The following CTHRC1 variants were observed in gnomAD, a reference collection of about 807,000 sequenced individuals.
CTHRC1 encodes the protein collagen triple helix repeat-containing protein 1.
Under a neutral mutation model 25.9 loss-of-function variants are expected in CTHRC1, and 21 were observed. That is an observed-to-expected ratio of 0.81 (90% confidence interval 0.57 to 1.17). CTHRC1 has a LOEUF of 1.17. Among genes scored for constraint, CTHRC1 ranks in the 50% most tolerant of loss-of-function variants. CTHRC1 has a pLI of 0.00. For synonymous variants in CTHRC1, 109 were observed against 113.1 expected, an observed-to-expected ratio of 0.96 and a Z score of 0.23; for missense variants, 281 against 304.3, an observed-to-expected ratio of 0.92 and a Z score of 0.57.
chr8:103,377,397 G>A (rs1051438453), intron 2 of CTHRC1: 3 of 154,250 alleles, frequency 1.9e-5, no homozygotes, highest in Non-Finnish European at 4.3e-5. Flanking sequence ...AATATTTTTT[G>A]AATGCAAAAA....
intron 1 of CTHRC1, 44 bp downstream of exon 1, chr8:103,371,850 G>A: frequency 6.8e-7 from 1 of 1,462,644 alleles, no homozygotes; most frequent in Non-Finnish European, 9.0e-7. Context: ...GCTGGTGGAG[G>A]GGACCTGGCC....
chr8:103,372,996 G>A (rs1057407874), intron 1 of CTHRC1, among the ~76,000 whole-genome samples: 23 of 152,176 alleles, frequency 1.5e-4, no homozygotes, highest in African/African-American at 4.8e-4. Flanking sequence ...TTGGTGGTAG[G>A]CTGTGTAATT....
intron 1 of CTHRC1, chr8:103,372,604 C>CCATTTCCA: frequency 6.3e-7 from 1 of 1,598,284 alleles, no homozygotes; most frequent in South Asian, 1.1e-5. Flanking sequence ...AAAACAGTTT[C>CCATTTCCA]CAGGAAACTG....
chr8:103,376,147 T>C, intron 2 of CTHRC1, 188 bp downstream of exon 2: 1 of 627,032 alleles, frequency 1.6e-6, no homozygotes, highest in Non-Finnish European at 2.8e-6. Context: ...GAGATATTTC[T>C]AAGACAAATG....
chr8:103,375,325 A>G (rs35393150), intron 1 of CTHRC1, among the ~76,000 whole-genome samples: 1 of 152,234 alleles, frequency 6.6e-6, no homozygotes, highest in Non-Finnish European at 1.5e-5. Context: ...GTAGAAATAA[A>G]CTATCCAAAA....
At chr8:103,374,015 T>TA (rs1815760478) in intron 1 of CTHRC1, among the ~76,000 whole-genome samples, 1 of 152,222 alleles carries the variant, frequency 6.6e-6, no homozygotes. Flanking sequence ...TTTGCACTTT[T>TA]AAAATGCTTT....
At chr8:103,372,222 A>G (rs1257802361) in intron 1 of CTHRC1, among the ~76,000 whole-genome samples, 1 of 152,168 alleles carries the variant, frequency 6.6e-6, no homozygotes, top group Non-Finnish European at 1.5e-5. Context: ...CGCTGATCAC[A>G]TGGACCTGGG....
Position 103,378,258 on chromosome 8 carries a change from G to T in CTHRC1, c.589+15G>T. ...CACTTCTTCTGGTATGTAAAATTGT[G>T]ACATTGCAAGATGTGCCTCAGATCT... On this transcript the variant is annotated intron_variant, in intron 3 of 3. Coordinates refer to ENST00000330295, the MANE Select transcript of CTHRC1 (RefSeq NM_138455.4). 1.3e-6 allele frequency: 2 copies of T among 1,591,394 alleles called. No individual in the cohort carries two copies. The highest frequency in any genetic ancestry group is 2.2e-5 in the South Asian group (2 of 90,662).
Position 103,375,719 on chromosome 8 carries a change from C to T in CTHRC1, c.151-19C>T. 6.2e-7 allele frequency: 1 copy of T among 1,602,458 alleles called. No individual in the cohort carries two copies. Among genetic ancestry groups the T allele is most frequent in the Non-Finnish European group, 8.6e-7 (1 of 1,169,512 alleles). On this transcript the variant is annotated intron_variant, in intron 1 of 3. Transcript: ENST00000330295. ...CTTAAGTGGTGAGAGTTTTCTTTGC[C>T]TTTTCTTTCTCATTATAGTATAATG...
At chr8:103,372,839 G>A (rs1440019368) in intron 1 of CTHRC1, among the ~76,000 whole-genome samples, 1 of 151,318 alleles carries the variant, frequency 6.6e-6, no homozygotes, top group African/African-American at 2.4e-5. Context: ...ATAAGTTGGG[G>A]CATTTTTTTT....
intron 1 of CTHRC1, among the ~76,000 whole-genome samples, chr8:103,373,613 A>G (rs1340327212): frequency 1.3e-5 from 2 of 150,578 alleles, no homozygotes; most frequent in Non-Finnish European, 2.9e-5. Flanking sequence ...CCAATATGGC[A>G]CAATGGACAT....
At chr8:103,376,227 G>C (rs1321516975) in intron 2 of CTHRC1, among the ~76,000 whole-genome samples, 1 of 152,154 alleles carries the variant, frequency 6.6e-6, no homozygotes, top group Non-Finnish European at 1.5e-5. Flanking sequence ...GAGCATATGT[G>C]TCTGTGTTGG....
At chr8:103,377,927 T>C (rs1815834630) in intron 2 of CTHRC1, 100 bp from the exon 3 acceptor site, 4 of 1,041,700 alleles carry the variant, frequency 3.8e-6, no homozygotes, top group Non-Finnish European at 6.0e-6. Context: ...TAAATACATT[T>C]TGGGGAAAAG....
intron 1 of CTHRC1, chr8:103,372,312 C>T (rs1815722542): frequency 1.4e-6 from 1 of 713,288 alleles, no homozygotes; most frequent in East Asian, 3.3e-5. Flanking sequence ...ACAACCCCCA[C>T]AAAGCATCCG....
Position 103,378,056 on chromosome 8 carries a change from T to C in CTHRC1, c.402T>C (p.Asn134=), listed in dbSNP as rs2130404387. 6.2e-7 allele frequency: 1 copy of C among 1,614,028 alleles called. No homozygotes were observed. The highest frequency in any genetic ancestry group is 1.1e-5 in the South Asian group (1 of 91,082). Residue 134 remains asparagine, a synonymous_variant, in exon 3 of 4, where the codon AAT becomes AAC. Coordinates refer to ENST00000330295, the MANE Select transcript of CTHRC1 (RefSeq NM_138455.4). ...GTACATTTACAAAGATGCGTTCAAA[T>C]AGTGCTCTAAGAGTTTTGTTCAGTG... is the stretch of plus-strand genomic sequence containing the variant. ...AECTFTKMRS[N]SALRVLFSGS... is the part of the protein sequence containing the mutation.
chr8:103,380,479 T>C (rs73286074), intron 3 of CTHRC1, among the ~76,000 whole-genome samples: 11 of 152,194 alleles, frequency 7.2e-5, no homozygotes, highest in Admixed American at 6.5e-4. Context: ...GGTGCACTTA[T>C]AGTTAGCATA....
intron 3 of CTHRC1, among the ~76,000 whole-genome samples, chr8:103,381,913 G>T (rs1396926124): frequency 6.6e-6 from 1 of 151,988 alleles, no homozygotes; most frequent in Non-Finnish European, 1.5e-5. Context: ...CAGGAAAATT[G>T]CTTGAACGTG....
chr8:103,382,743 T>G lies in CTHRC1; in HGVS notation c.*143T>G. 1 of 815,970 alleles carries G rather than the reference T, an allele frequency of 1.2e-6. No homozygotes were observed. The allele number at this position is 815,970 out of a possible 1,614,324, so 50.5% of individuals were successfully genotyped here. On this transcript the variant is annotated 3_prime_UTR_variant, in exon 4 of 4. Coordinates refer to ENST00000330295, the MANE Select transcript of CTHRC1 (RefSeq NM_138455.4). ...TACAGACCAAAGTGTGATTTCACAC[T>G]GTTTTTAAATCTAGCATTATTCATT...
chr8:103,372,677 C>G lies in CTHRC1; in HGVS notation c.150+871C>G, dbSNP rs774141095. ...GTGGGAAGGTATGTTTGCTTAAAAT[C>G]CTTCCCTCTAAAAATCAACAAACCC... On this transcript the variant is annotated intron_variant, in intron 1 of 3. Coordinates refer to ENST00000330295, the MANE Select transcript of CTHRC1 (RefSeq NM_138455.4). 4 of 1,592,934 alleles carry G rather than the reference C, an allele frequency of 2.5e-6. No individual in the cohort carries two copies. The South Asian group carries it at 3.3e-5, about 13-fold the overall frequency.
Sources: gnomAD v4.1 joint callset for allele counts (sites outside exome capture counted in the v4.1 genomes callset) on GRCh38, gnomAD v4.1.1 for gene constraint, MANE v1.5 for transcripts, NCBI Gene and HGNC (gene_info 2026-07-23, HGNC 2026-07-21) for gene names.